ATP2A1: variants seen among roughly 807,000 people sequenced by gnomAD.
ATP2A1 encodes the protein ATPase sarcoplasmic/endoplasmic reticulum Ca2+ transporting 1.
ATP2A1 carries 83 observed loss-of-function variants against 109.5 expected under a neutral mutation model. The observed-to-expected ratio is 0.76, with a 90% CI of 0.63 to 0.91. The LOEUF (loss-of-function observed/expected upper bound fraction) is 0.91, where lower values mean the gene tolerates loss of function less well. ATP2A1 is among the 40% of genes least tolerant of loss of function. ATP2A1 has a pLI of 0.00. For synonymous variants in ATP2A1, 505 were observed against 537.6 expected, an observed-to-expected ratio of 0.94 and a Z score of 0.84; for missense variants, 1,101 against 1,341.0, an observed-to-expected ratio of 0.82 and a Z score of 2.80.
chr16:28,902,692 C>T lies in ATP2A1; in HGVS notation c.2610+27C>T. On this transcript the variant is annotated intron_variant, in intron 18 of 22. Transcript: ENST00000395503. The surrounding 1 kb of genome is among the most constrained non-coding windows in gnomAD (Gnocchi z 4.8). ...TAGGGGGAGGCCACAAAGGAGGGGA[C>T]CAGGAGGGTGTGGGGATGCAGGAGG... 6.2e-7 allele frequency: 1 copy of T among 1,613,848 alleles called. No homozygotes were observed. The highest frequency in any genetic ancestry group is 8.5e-7 in the Non-Finnish European group (1 of 1,179,868).
chr16:28,888,182 G>A (rs894550929), intron 8 of ATP2A1, among the ~76,000 whole-genome samples: 8 of 151,984 alleles, frequency 5.3e-5, no homozygotes, highest in East Asian at 3.9e-4. Context: ...ACAGGTGCAC[G>A]CCACCATGCC....
At chr16:28,881,116 C>T (rs1596662553) in intron 4 of ATP2A1, 97 bp downstream of exon 4, 1 of 1,231,768 alleles carries the variant, frequency 8.1e-7, no homozygotes, top group East Asian at 2.3e-5. Flanking sequence ...CTCCCCCATA[C>T]TTGCCTCTTC....
Position 28,880,782 on chromosome 16 carries a change from C to T in ATP2A1, c.220-133C>T. 1.2e-6 allele frequency: 1 copy of T among 850,696 alleles called. No homozygotes were observed. The highest frequency in any genetic ancestry group is 2.0e-6 in the Non-Finnish European group (1 of 504,822). 52.7% of individuals were successfully genotyped at this position (850,696 alleles called of 1,614,324 possible). On this transcript the variant is annotated intron_variant, in intron 3 of 22. Coordinates refer to ENST00000395503, the MANE Select transcript of ATP2A1 (RefSeq NM_004320.6). This position sits in a 1 kb window ranked among gnomAD's most constrained non-coding sequence, Gnocchi z 4.2. ...TCAGACGGATGTGGGGCCACAGCGC[C>T]CCGACGGTGCCCGGCCCTCCTGCTG...
rs1555514587 is a variant in ATP2A1 at position 28,879,559 on chromosome 16, C to T, written c.195C>T (p.Leu65=). The change falls in exon 3 of 23, where the codon CTC becomes CTT. Residue 65 remains leucine (L), a synonymous_variant. Transcript: ENST00000395503. ...TTGAAGACCTCCTGGTGCGGATTCT[C>T]CTCCTGGCCGCATGCATTTCCTTCG... ...EQFEDLLVRI[L]LLAACISFVL... The T allele has an allele frequency of 5.0e-6, 8 of 1,614,096 alleles. No homozygotes were observed. In the South Asian group the frequency reaches 5.5e-5, roughly 11 times the overall value.
Position 28,883,632 on chromosome 16 carries a change from G to A in ATP2A1, c.464-943G>A, listed in dbSNP as rs1963546897. Among the ~76,000 whole-genome samples, 3 of 152,126 alleles carry A rather than the reference G, an allele frequency of 2.0e-5. No homozygotes were observed. The highest frequency in any genetic ancestry group is 2.0e-4 in the Admixed American group (3 of 15,272). On this transcript the variant is annotated intron_variant, in intron 5 of 22. Coordinates refer to ENST00000395503, the MANE Select transcript of ATP2A1 (RefSeq NM_004320.6). This position sits in a 1 kb window ranked among gnomAD's most constrained non-coding sequence, Gnocchi z 5.2. ...CTTAGCCTCCTCCTAAGGTCTCTGA[G>A]TCTGGCTGGGCATCCACCTCTCCAG...
At chr16:28,893,047 A>C (rs1963818278) in intron 9 of ATP2A1, among the ~76,000 whole-genome samples, 1 of 151,538 alleles carries the variant, frequency 6.6e-6, no homozygotes, top group Non-Finnish European at 1.5e-5. Flanking sequence ...AAAAAAAAAA[A>C]AAGAATTGCC....
intron 14 of ATP2A1, among the ~76,000 whole-genome samples, chr16:28,899,643 GCCCGC>G (rs797006895): frequency 0.27 from 2,072 of 7,562 alleles, 488 homozygotes; most frequent in African/African-American, 0.55. Flanking sequence ...CATCCCCTGC[GCCCGC>G]CCCCCCCCCC....
In ATP2A1 at chr16:28,878,787, A is replaced by G. The variant is rs2152195750; in HGVS notation, c.116A>G (p.Asn39Ser). 1.9e-6 allele frequency: 3 copies of G among 1,613,928 alleles called. No individual in the cohort carries two copies. The highest frequency in any genetic ancestry group is 2.5e-6 in the Non-Finnish European group (3 of 1,179,846). ...VKRNLEKYGL[N>S]ELPAEEGKTL... ...CGGAATCTGGAGAAATACGGCCTCAATGGTAAGTGTCCCTTGGAAGAGCGG... is the reference window on the plus strand; with the variant it reads ...CGGAATCTGGAGAAATACGGCCTCAGTGGTAAGTGTCCCTTGGAAGAGCGG... The change falls in exon 1 of 23, where the codon AAT becomes AGT. Residue 39 changes from asparagine (N) to serine (S), a missense_variant and splice_region_variant. Coordinates refer to ENST00000395503, the MANE Select transcript of ATP2A1 (RefSeq NM_004320.6).
intron 9 of ATP2A1, chr16:28,892,450 T>C: frequency 4.2e-6 from 1 of 236,918 alleles, no homozygotes; most frequent in South Asian, 3.8e-5. Context: ...GGCTGTAACC[T>C]TGGCTCCTGG....
chr16:28,899,874 G>A (rs1488698270), intron 14 of ATP2A1, among the ~76,000 whole-genome samples: 2 of 151,218 alleles, frequency 1.3e-5, no homozygotes, highest in Non-Finnish European at 2.9e-5. Context: ...GCGGAGAATC[G>A]CTTCAACTTG....
chr16:28,901,915 T>C lies in ATP2A1; in HGVS notation c.2153T>C (p.Ile718Thr), dbSNP rs750943917. 7 of 1,614,132 alleles carry C rather than the reference T, an allele frequency of 4.3e-6. 1 individual carries two copies. The South Asian group carries it at 6.6e-5, about 15-fold the overall frequency. Residue 718 changes from isoleucine to threonine, a missense_variant, in exon 16 of 23, where the codon ATT becomes ACT. Coordinates refer to ENST00000395503, the MANE Select transcript of ATP2A1 (RefSeq NM_004320.6). ...APALKKAEIG[I>T]AMGSGTAVAK... ...GCCCTGAAGAAGGCTGAGATTGGCA[T>C]TGCCATGGGATCTGGCACTGCCGTG...
At chr16:28,886,473 G>A (rs371939462) in intron 6 of ATP2A1, among the ~76,000 whole-genome samples, 19 of 152,268 alleles carry the variant, frequency 1.2e-4, no homozygotes, top group African/African-American at 4.6e-4. Flanking sequence ...CTCTTAGGGT[G>A]AGGGAGGCAT....
chr16:28,884,649 C>T lies in ATP2A1; in HGVS notation c.538C>T (p.Leu180=), dbSNP rs1356583122. 1 of 1,613,080 alleles carries T rather than the reference C, an allele frequency of 6.2e-7. No individual in the cohort carries two copies. The highest frequency in any genetic ancestry group is 8.5e-7 in the Non-Finnish European group (1 of 1,179,722). The change falls in exon 6 of 23, where the codon CTG becomes TTG. Residue 180 remains leucine, a synonymous_variant. Transcript: ENST00000395503. The part of the protein sequence containing the change: ...STTLRVDQSI[L]TGESVSVIKH... ...CACGCTGCGGGTTGACCAGTCCATC[C>T]TGACAGGTCTGCTGGCCTGGGTGGG...
chr16:28,900,512 C>A (rs527652167), intron 14 of ATP2A1, 69 bp from the exon 15 acceptor site: 5 of 1,425,674 alleles, frequency 3.5e-6, no homozygotes, highest in East Asian at 4.7e-5. Context: ...CCCCACCCCC[C>A]ACCAGCTTCC....
chr16:28,879,705 G>A, intron 3 of ATP2A1, 122 bp downstream of exon 3: 1 of 1,160,634 alleles, frequency 8.6e-7, no homozygotes, highest in Non-Finnish European at 1.2e-6. Context: ...TACAGACGGG[G>A]CGGGCTGGCG....
chr16:28,903,172 G>C lies in ATP2A1; in HGVS notation c.2862+25G>C. 6.2e-7 allele frequency: 1 copy of C among 1,610,330 alleles called. No individual in the cohort carries two copies. The highest frequency in any genetic ancestry group is 8.5e-7 in the Non-Finnish European group (1 of 1,177,412). On this transcript the variant is annotated intron_variant, in intron 20 of 22. Transcript: ENST00000395503. This position sits in a 1 kb window ranked among gnomAD's most constrained non-coding sequence, Gnocchi z 5.6. The stretch of plus-strand genomic sequence containing the variant: ...GGTGAGGTTTCTTCCGCCCAGGGCC[G>C]CCCACCCCAGCACTGGGGAGCCCAC...
chr16:28,901,801 C>A, intron 15 of ATP2A1, 62 bp from the exon 16 acceptor site: 1 of 1,443,900 alleles, frequency 6.9e-7, no homozygotes, highest in Non-Finnish European at 9.5e-7. Context: ...TAAAATAAAA[C>A]CTTTTTTAAA....
intron 4 of ATP2A1, chr16:28,881,419 G>T: frequency 6.9e-6 from 2 of 289,970 alleles, no homozygotes; most frequent in South Asian, 7.3e-5. Context: ...GTTTTGTTTT[G>T]TTTTGTTTTT....
chr16:28,898,537 ATTTCCTACCTCG>A lies in ATP2A1; in HGVS notation c.1764+88_1764+99del. ...CACTCACAGCTCCACCACCCGGATCATTTCCTACCTCGTCAGTCAAGTTGATGGCTCCTTAGT... is the reference window on the plus strand; with the variant it reads ...CACTCACAGCTCCACCACCCGGATCATCAGTCAAGTTGATGGCTCCTTAGT... On this transcript the variant is annotated intron_variant, in intron 14 of 22. Transcript: ENST00000395503. The surrounding 1 kb of genome is among the most constrained non-coding windows in gnomAD (Gnocchi z 4.0). 2 of 1,425,778 alleles carry A rather than the reference ATTTCCTACCTCG, an allele frequency of 1.4e-6. No individual in the cohort carries two copies. The highest frequency in any genetic ancestry group is 9.7e-7 in the Non-Finnish European group (1 of 1,035,836). The allele number at this position is 1,425,778 out of a possible 1,614,324, so 88.3% of individuals were successfully genotyped here. A position where few individuals can be genotyped will look rare whatever the true frequency, so the allele number is the denominator to read the frequency against.
Sources: allele counts gnomAD v4.1 joint callset (sites outside exome capture counted in the v4.1 genomes callset), GRCh38; gene constraint gnomAD v4.1.1; non-coding constraint Gnocchi (gnomAD v3.1); transcripts MANE v1.5; gene names NCBI Gene and HGNC (gene_info 2026-07-23, HGNC 2026-07-21).